IL1RAPL1: variants seen among roughly 807,000 people sequenced by gnomAD.
IL1RAPL1 encodes the protein interleukin-1 receptor accessory protein-like 1.
Under a neutral mutation model 48.4 loss-of-function variants are expected in IL1RAPL1, and 3 were observed. That is an observed-to-expected ratio of 0.06 (90% CI 0.03 to 0.16). The LOEUF (loss-of-function observed/expected upper bound fraction) is 0.16, where lower values mean the gene tolerates loss of function less well. IL1RAPL1 is among the 10% of genes least tolerant of loss of function. The pLI is 1.00. For synonymous variants in IL1RAPL1, 185 were observed against 187.7 expected, an observed-to-expected ratio of 0.99 and a Z score of 0.12; for missense variants, 349 against 530.6, an observed-to-expected ratio of 0.66 and a Z score of 3.36.
intron 2 of IL1RAPL1, among the ~76,000 whole-genome samples, chrX:28,792,850 TAAAAA>T (rs758898547): frequency 2.4e-5 from 1 of 42,375 alleles, no homozygotes; most frequent in Non-Finnish European, 3.4e-5. Context: ...TATATATATA[TAAAAA>T]ATAAGGCAAT....
chrX:29,393,223 G>A (rs989626042), intron 3 of IL1RAPL1, among the ~76,000 whole-genome samples: 5 of 111,819 alleles, frequency 4.5e-5, no homozygotes, highest in Admixed American at 2.8e-4. Context: ...CCGGGTTCAC[G>A]CCATTCTCGT....
intron 6 of IL1RAPL1, among the ~76,000 whole-genome samples, chrX:29,693,028 G>A (rs764884179): frequency 3.6e-5 from 4 of 112,127 alleles, no homozygotes; most frequent in Non-Finnish European, 5.6e-5. Context: ...ATAAAAGTGC[G>A]TTTCAGCTGC....
At chrX:28,727,043 A>G (rs961062201) in intron 1 of IL1RAPL1, among the ~76,000 whole-genome samples, 2 of 111,870 alleles carry the variant, frequency 1.8e-5, no homozygotes, top group African/African-American at 6.5e-5. Flanking sequence ...CAGTCTCTTA[A>G]TAAAAATAAT....
intron 3 of IL1RAPL1, among the ~76,000 whole-genome samples, chrX:29,313,925 C>A (rs1188755227): frequency 1.8e-5 from 2 of 112,106 alleles, no homozygotes; most frequent in East Asian, 5.6e-4. Context: ...GGAAACAATT[C>A]TGTAAATATT....
intron 1 of IL1RAPL1, among the ~76,000 whole-genome samples, chrX:28,727,686 C>G (rs1459326910): frequency 2.8e-5 from 3 of 105,767 alleles, no homozygotes; most frequent in East Asian, 3.0e-4. Context: ...ATAGATAGCT[C>G]TTATTATTTT....
At chrX:29,503,635 A>ATTATTT (rs952725823) in intron 5 of IL1RAPL1, among the ~76,000 whole-genome samples, 2 of 110,562 alleles carry the variant, frequency 1.8e-5, no homozygotes, top group African/African-American at 3.3e-5. Context: ...ATGTTGCTAA[A>ATTATTT]TTATTTTTAT....
rs1035950823 is a variant in IL1RAPL1 at position 29,683,267 on chromosome X, C to T, written c.778+14763C>T. Among the ~76,000 whole-genome samples, 3 of 111,967 alleles carry T rather than the reference C, an allele frequency of 2.7e-5. No individual in the cohort carries two copies. The South Asian group carries it at 1.1e-3, about 42-fold the overall frequency. ...ATAGATAGATAGCTTAACAAACAGACGACTGTCTACAAGGAGTTTATGTTA... is the reference window on the plus strand; with the variant it reads ...ATAGATAGATAGCTTAACAAACAGATGACTGTCTACAAGGAGTTTATGTTA... On this transcript the variant is annotated intron_variant, in intron 6 of 10. Transcript: ENST00000378993.
chrX:28,772,285 G>C (rs1302366609), intron 1 of IL1RAPL1, among the ~76,000 whole-genome samples: 1 of 111,170 alleles, frequency 9.0e-6, no homozygotes, highest in East Asian at 2.8e-4. Context: ...TGATCACATG[G>C]TTCTCTGCAT....
At chrX:29,379,543 A>G (rs765213845) in intron 3 of IL1RAPL1, among the ~76,000 whole-genome samples, 11 of 111,666 alleles carry the variant, frequency 9.9e-5, no homozygotes, top group Non-Finnish European at 1.7e-4. Flanking sequence ...TGCCAGCTCA[A>G]ATGTCTGTGG....
rs780363311 is a variant in IL1RAPL1, at chrX:29,941,727, C to T, written c.1134C>T (p.Tyr378=). 3 of 1,207,313 alleles carry T rather than the reference C, an allele frequency of 2.5e-6. No individual in the cohort carries two copies. Among genetic ancestry groups the T allele is most frequent in the Non-Finnish European group, 3.4e-6 (3 of 891,644 alleles). ...LLLLVCLVTI[Y]KCYKIEIMLF... ...TGCTTGTATGTTTGGTGACCATCTACAAGTGTTACAAGATAGAAATCATGC... is the reference window on the plus strand; with the variant it reads ...TGCTTGTATGTTTGGTGACCATCTATAAGTGTTACAAGATAGAAATCATGC... Residue 378 remains tyrosine, a synonymous_variant, in exon 9 of 11, where the codon TAC becomes TAT. Coordinates refer to ENST00000378993, the MANE Select transcript of IL1RAPL1 (RefSeq NM_014271.4).
intron 2 of IL1RAPL1, among the ~76,000 whole-genome samples, chrX:29,255,123 T>TTG (rs35193739): frequency 0.47 from 45,488 of 96,801 alleles, 9,765 homozygotes; most frequent in Non-Finnish European, 0.65. Context: ...ACTAAGGTAT[T>TTG]TGTGTGTGTG....
chrX:29,168,590 T>C (rs1929834913), intron 2 of IL1RAPL1, among the ~76,000 whole-genome samples: 1 of 88,708 alleles, frequency 1.1e-5, no homozygotes, highest in South Asian at 5.3e-4. Flanking sequence ...ATTGTATATA[T>C]ATATTCATAT....
At position 29,839,275 on chromosome X, in the gene IL1RAPL1, T is replaced by C. The variant is rs1027215940; in HGVS notation, c.779-78189T>C. On this transcript the variant is annotated intron_variant, in intron 6 of 10. Transcript: ENST00000378993. The stretch of plus-strand genomic sequence containing the variant: ...GTGGAGATTAAAATTAACTCATATA[T>C]GTAAACCAATGGGTCAATCACCTGG... 7.1e-5 allele frequency among the ~76,000 whole-genome samples: 8 copies of C among 112,314 alleles called. 1 individual carries two copies. In the South Asian group the frequency reaches 2.2e-3, roughly 32 times the overall value.
At chrX:29,719,619 G>GC (rs1927578978) in intron 6 of IL1RAPL1, among the ~76,000 whole-genome samples, 1 of 109,666 alleles carries the variant, frequency 9.1e-6, no homozygotes, top group East Asian at 2.9e-4. Flanking sequence ...TGCAACAAAT[G>GC]CCCTCTAAGC....
intron 2 of IL1RAPL1, among the ~76,000 whole-genome samples, chrX:29,243,519 A>G (rs1931457683): frequency 9.0e-6 from 1 of 111,456 alleles, no homozygotes; most frequent in Non-Finnish European, 1.9e-5. Context: ...TCATCCTCTC[A>G]AATCACTTTC....
At chrX:29,590,716 G>T (rs1923343172) in intron 5 of IL1RAPL1, among the ~76,000 whole-genome samples, 1 of 111,631 alleles carries the variant, frequency 9.0e-6, no homozygotes, top group South Asian at 3.8e-4. Flanking sequence ...GTCTGAAAGA[G>T]CCCAAGGAAG....
chrX:29,901,916 T>C (rs145878735), intron 6 of IL1RAPL1, among the ~76,000 whole-genome samples: 1,361 of 112,244 alleles, frequency 0.012, 3 homozygotes, highest in Non-Finnish European at 0.02. Flanking sequence ...CCTAAAGATA[T>C]CTGCATTACA....
chrX:29,367,282 C>T (rs1394612827), intron 3 of IL1RAPL1, among the ~76,000 whole-genome samples: 1 of 111,369 alleles, frequency 9.0e-6, no homozygotes, highest in Non-Finnish European at 1.9e-5. Context: ...CTGATGAGGA[C>T]AAAATAACTG....
At chrX:29,110,456 G>C (rs1022740769) in intron 2 of IL1RAPL1, among the ~76,000 whole-genome samples, 7 of 111,485 alleles carry the variant, frequency 6.3e-5, no homozygotes, top group Non-Finnish European at 1.3e-4. Flanking sequence ...TTGATAAGCC[G>C]GTTTTTATGC....
Sources: gnomAD v4.1 joint callset for allele counts (sites outside exome capture counted in the v4.1 genomes callset) on GRCh38, gnomAD v4.1.1 for gene constraint, MANE v1.5 for transcripts, NCBI Gene and HGNC (gene_info 2026-07-23, HGNC 2026-07-21) for gene names.